Variants in SMARCA4 observed in about 807,000 individuals in gnomAD.
SMARCA4 encodes the protein SWI/SNF related BAF chromatin remodeling complex subunit ATPase 4.
In SMARCA4, 31 loss-of-function variants were observed where a neutral mutation model predicts 193.9. The ratio of observed to expected loss-of-function variants is 0.16; its 90% confidence interval spans 0.12 to 0.22. The LOEUF is 0.22. Ranked by LOEUF, SMARCA4 falls within the 10% of genes least tolerant of loss-of-function variation. The pLI is 1.00. For synonymous variants in SMARCA4, 942 were observed against 933.1 expected (o/e 1.01, Z -0.17); for missense variants, 1,148 against 2,296.0 (o/e 0.50, Z 10.22).
chr19:11,054,323 C>G (rs2076424041), intron 30 of SMARCA4, among the ~76,000 whole-genome samples: 1 of 152,212 alleles, frequency 6.6e-6, no homozygotes, highest in African/African-American at 2.4e-5. Context: ...GTGTGCCCAC[C>G]TCGGGACCTG....
chr19:11,052,367 G>A lies in SMARCA4; in HGVS notation c.4425-5888G>A, dbSNP rs118037188. Among the ~76,000 whole-genome samples the A allele has an allele frequency of 7.4e-4, 113 of 152,174 alleles. 2 individuals are homozygous for A. The East Asian group carries it at 0.02, about 26-fold the overall frequency. ...CGTGAGCCCAGGAGTTGGAGGCACC[G>A]CTGCACTCAAGCCTGGGTGACACAG... On this transcript the variant is annotated intron_variant, in intron 30 of 34. Transcript: ENST00000344626.
rs939586732 is a variant in SMARCA4, at chr19:11,012,812, G to A, written c.2275-137G>A. The A allele has an allele frequency of 1.6e-5, 12 of 762,296 alleles. No homozygotes were observed. The East Asian group carries it at 1.6e-4, about 10-fold the overall frequency. The allele number at this position is 762,296 out of a possible 1,614,324, so 47.2% of individuals were successfully genotyped here. A position where few individuals can be genotyped will look rare whatever the true frequency, so the allele number is the denominator to read the frequency against. On this transcript the variant is annotated intron_variant, in intron 15 of 34. Coordinates refer to ENST00000344626, the MANE Select transcript of SMARCA4 (RefSeq NM_003072.5). ...TCAGTTTGGTTCAGAGGAAAAATCC[G>A]TGGTAAAGGCAGTAGAGGGTGGGAT...
chr19:10,974,148 A>G (rs1292510126), intron 1 of SMARCA4, among the ~76,000 whole-genome samples: 2 of 152,192 alleles, frequency 1.3e-5, no homozygotes, highest in African/African-American at 2.4e-5. Flanking sequence ...TCCAACAAAC[A>G]GATTTCCAAG....
At chr19:11,023,948 C>A (rs999971382) in intron 20 of SMARCA4, among the ~76,000 whole-genome samples, 1 of 152,244 alleles carries the variant, frequency 6.6e-6, no homozygotes, top group Non-Finnish European at 1.5e-5. Flanking sequence ...CCCGGCCCCC[C>A]ATCATGGCTC....
At chr19:10,997,407 C>T (rs1225984764) in intron 11 of SMARCA4, among the ~76,000 whole-genome samples, 1 of 151,984 alleles carries the variant, frequency 6.6e-6, no homozygotes, top group Non-Finnish European at 1.5e-5. Context: ...ACCGTGTTAG[C>T]CAGGATGGTT....
At chr19:11,027,143 C>T (rs1037129098) in intron 23 of SMARCA4, among the ~76,000 whole-genome samples, 1 of 152,166 alleles carries the variant, frequency 6.6e-6, no homozygotes, top group African/African-American at 2.4e-5. Flanking sequence ...GGGTAGTAAG[C>T]CATTTGCAAG....
In SMARCA4 at chr19:11,041,438, C is replaced by A. The variant is rs146747026; in HGVS notation, c.4302C>A (p.Asp1434Glu). The A allele has an allele frequency of 3.1e-6, 5 of 1,612,586 alleles. No individual in the cohort carries two copies. Among genetic ancestry groups the A allele is most frequent in the Non-Finnish European group, 4.2e-6 (5 of 1,179,950 alleles). The change falls in exon 30 of 35, where the codon GAC becomes GAA. Residue 1434 changes from aspartate to glutamate, a missense_variant. Around this residue, in one of 17 missense-constraint regions of SMARCA4, gnomAD observed 141 missense variants for 193.0 expected, o/e 0.73. Transcript: ENST00000344626. The surrounding 1 kb of genome is among the most constrained non-coding windows in gnomAD (Gnocchi z 5.6). ...CCAGCACCCGCAGCCGCGACAAGGA[C>A]GACGAGAGCAAGAAGCAGAAGAAGC... Reference protein sequence around the residue: ...PTTSTRSRDKDDESKKQKKRG... With the variant: ...PTTSTRSRDKEDESKKQKKRG...
intron 30 of SMARCA4, among the ~76,000 whole-genome samples, chr19:11,048,456 A>G (rs1209317490): frequency 6.6e-6 from 1 of 152,206 alleles, no homozygotes; most frequent in Non-Finnish European, 1.5e-5. Context: ...CAGCTCTGCA[A>G]TTGAGTTAAA....
chr19:11,017,710 C>T (rs2089492947), intron 16 of SMARCA4, among the ~76,000 whole-genome samples: 2 of 152,250 alleles, frequency 1.3e-5, no homozygotes, highest in South Asian at 4.1e-4. Flanking sequence ...CCCATCACTC[C>T]AGGGAGGTTT....
chr19:11,060,507 G>C, intron 34 of SMARCA4: 1 of 498,898 alleles, frequency 2.0e-6, no homozygotes, highest in East Asian at 3.7e-5. Context: ...GGGCAGGCCA[G>C]GGCTTGATTA....
chr19:11,034,026 C>G lies in SMARCA4; in HGVS notation c.3874-97C>G. On this transcript the variant is annotated intron_variant, in intron 27 of 34. Transcript: ENST00000344626. The surrounding 1 kb of genome is among the most constrained non-coding windows in gnomAD (Gnocchi z 7.0). Reference sequence around the variant, plus strand: ...ATCCACCGCAGCCGTGCCGGGACCACCAGCTCATTCCCACGGACGCCGCCG... The same window carrying G: ...ATCCACCGCAGCCGTGCCGGGACCAGCAGCTCATTCCCACGGACGCCGCCG... 2.2e-6 allele frequency: 2 copies of G among 921,518 alleles called. No individual in the cohort carries two copies. Among genetic ancestry groups the G allele is most frequent in the South Asian group, 2.6e-5 (2 of 77,258 alleles). The allele number at this position is 921,518 out of a possible 1,614,324, so 57.1% of individuals were successfully genotyped here. A position where few individuals can be genotyped will look rare whatever the true frequency, so the allele number is the denominator to read the frequency against.
intron 34 of SMARCA4, among the ~76,000 whole-genome samples, chr19:11,060,840 A>G (rs574352697): frequency 3.3e-5 from 5 of 152,306 alleles, no homozygotes; most frequent in African/African-American, 1.2e-4. Flanking sequence ...TTTTGTCATC[A>G]CAGAAGCAGC....
chr19:10,974,524 AAAAT>A (rs1218189305), intron 1 of SMARCA4, among the ~76,000 whole-genome samples: 1 of 150,152 alleles, frequency 6.7e-6, no homozygotes. Flanking sequence ...GCTATTGTAA[AAAAT>A]AAATAAAAAG....
intron 16 of SMARCA4, 105 bp downstream of exon 16, chr19:11,013,217 C>A: frequency 7.5e-7 from 1 of 1,338,568 alleles, no homozygotes; most frequent in Non-Finnish European, 1.0e-6. Flanking sequence ...GGCTTAATTA[C>A]AGAAATTTGT....
intron 24 of SMARCA4, among the ~76,000 whole-genome samples, chr19:11,029,551 G>T (rs749579461): frequency 6.6e-6 from 1 of 152,270 alleles, no homozygotes; most frequent in Non-Finnish European, 1.5e-5. Context: ...CTCCGAGCTG[G>T]AGTAGCAGGG....
rs1555795951 is a variant in SMARCA4, at chr19:11,059,830, AGGCGAGGAGAGTGAGGAGGAGGAAGAG to A, written c.4723_4749del (p.Ser1575_Glu1583del). Reference sequence around the variant, plus strand: ...AAATCGAGAAGGAGGATGACAGTGAAGGCGAGGAGAGTGAGGAGGAGGAAGAGGGCGAGGAGGAAGGCTCCGAATCCG... The same window carrying A: ...AAATCGAGAAGGAGGATGACAGTGAAGGCGAGGAGGAAGGCTCCGAATCCG... On this transcript the variant is annotated inframe_deletion, in exon 33 of 35. Coordinates refer to ENST00000344626, the MANE Select transcript of SMARCA4 (RefSeq NM_003072.5). 1 of 1,613,624 alleles carries A rather than the reference AGGCGAGGAGAGTGAGGAGGAGGAAGAG, an allele frequency of 6.2e-7. No individual in the cohort carries two copies. The highest frequency in any genetic ancestry group is 8.5e-7 in the Non-Finnish European group (1 of 1,179,758).
At chr19:11,060,016 G>A (rs2147122200) in intron 33 of SMARCA4, 29 bp from the exon 34 acceptor site, 1 of 1,595,882 alleles carries the variant, frequency 6.3e-7, no homozygotes, top group Non-Finnish European at 8.5e-7. Flanking sequence ...CAGAGCTCAA[G>A]GCTGTCTTTC....
At chr19:11,000,470 T>TA (rs2146047709) in intron 11 of SMARCA4, among the ~76,000 whole-genome samples, 1 of 152,206 alleles carries the variant, frequency 6.6e-6, no homozygotes, top group African/African-American at 2.4e-5. Context: ...CAGGCTGCAG[T>TA]GCACTGTGTT....
At chr19:11,002,532 C>T (rs1286460924) in intron 11 of SMARCA4, among the ~76,000 whole-genome samples, 5 of 151,698 alleles carry the variant, frequency 3.3e-5, no homozygotes, top group South Asian at 4.2e-4. Flanking sequence ...CATAGTGGCT[C>T]ACGCCTGGAA....
Sources: allele counts gnomAD v4.1 joint callset (sites outside exome capture counted in the v4.1 genomes callset), GRCh38; gene constraint gnomAD v4.1.1; regional missense constraint gnomAD v4.1.1; non-coding constraint Gnocchi (gnomAD v3.1); transcripts MANE v1.5; gene names NCBI Gene and HGNC (gene_info 2026-07-23, HGNC 2026-07-21).